MCF2: variants seen among roughly 807,000 people sequenced by gnomAD.
MCF2 encodes proto-oncogene DBL.
MCF2 carries 44 observed loss-of-function variants against 82.5 expected under a neutral mutation model. The observed-to-expected ratio is 0.53, with a 90% confidence interval of 0.42 to 0.69. The LOEUF is 0.69. Ranked by LOEUF, MCF2 falls within the 30% of genes least tolerant of loss-of-function variation. The probability of loss-of-function intolerance (pLI) is 0.00; values close to 1 mark genes in which losing one functional copy is unlikely to be tolerated. For synonymous variants in MCF2, 217 were observed against 224.9 expected, an observed-to-expected ratio of 0.96 and a Z score of 0.32; for missense variants, 623 against 663.1, an observed-to-expected ratio of 0.94 and a Z score of 0.66.
intron 5 of MCF2, 72 bp from the exon 9 acceptor site, chrX:139,626,379 C>G: frequency 1.5e-6 from 1 of 674,468 alleles, no homozygotes; most frequent in Non-Finnish European, 2.3e-6. Flanking sequence ...TAAGTGTGGT[C>G]TGGACATTAA....
rs781347098 is a variant in MCF2, at chrX:139,593,415, G to T, written c.2277+3134C>A. ...ATCAATAGCTTACCAACCAAAAAGA[G>T]CCCAGGACCAGATGGATTCACAGCC... On this transcript the variant is annotated intron_variant, in intron 19 of 24. Transcript: ENST00000370576. Among the ~76,000 whole-genome samples, 7 of 111,046 alleles carry T rather than the reference G, an allele frequency of 6.3e-5. No individual in the cohort carries two copies. In the East Asian group the frequency reaches 1.7e-3, roughly 27 times the overall value.
intron 1 of MCF2, among the ~76,000 whole-genome samples, chrX:139,673,709 G>A (rs1187867694): frequency 3.6e-5 from 4 of 111,681 alleles, no homozygotes; most frequent in Non-Finnish European, 5.6e-5. Context: ...GTTCTTTTAC[G>A]TTTGCTGAGG....
chrX:139,619,678 T>C, exon 7 of MCF2: 2 of 1,184,989 alleles, frequency 1.7e-6, no homozygotes, highest in Non-Finnish European at 1.1e-6. Context: ...TGCTTGTTGG[T>C]TTAATAGAAA....
chrX:139,679,074 C>A (rs1934941338), intron 1 of MCF2, among the ~76,000 whole-genome samples: 1 of 112,357 alleles, frequency 8.9e-6, no homozygotes, highest in African/African-American at 3.2e-5. Context: ...GATGTGGCAA[C>A]AAAGATCAAA....
At chrX:139,596,556 C>T in exon 19 of MCF2, 1 of 1,201,352 alleles carries the variant, frequency 8.3e-7, no homozygotes. Flanking sequence ...TACTTTCCAA[C>T]AGTGTTTAAA....
chrX:139,635,586 G>A (rs1214761481), intron 1 of MCF2, among the ~76,000 whole-genome samples: 1 of 110,868 alleles, frequency 9.0e-6, no homozygotes, highest in Non-Finnish European at 1.9e-5. Flanking sequence ...GAACCCAGGA[G>A]GTGGAGGCTG....
chrX:139,594,075 A>T (rs1376310182), intron 19 of MCF2, among the ~76,000 whole-genome samples: 1 of 111,193 alleles, frequency 9.0e-6, no homozygotes, highest in Admixed American at 9.6e-5. Flanking sequence ...GAAATAAAAG[A>T]GGATATAAAG....
At chrX:139,648,897 C>G (rs749961926) in intron 2 of MCF2, among the ~76,000 whole-genome samples, 77 of 111,813 alleles carry the variant, frequency 6.9e-4, no homozygotes, top group Non-Finnish European at 1.2e-3. Context: ...TCAAAATACA[C>G]AAAGCAAAAA....
At chrX:139,677,730 A>T (rs1391659206) in intron 1 of MCF2, among the ~76,000 whole-genome samples, 2 of 112,119 alleles carry the variant, frequency 1.8e-5, no homozygotes, top group Non-Finnish European at 3.8e-5. Flanking sequence ...CCTACATTAG[A>T]TATCATATTT....
chrX:139,606,997 A>G (rs1234651535), intron 12 of MCF2, among the ~76,000 whole-genome samples: 1 of 111,478 alleles, frequency 9.0e-6, no homozygotes, highest in Non-Finnish European at 1.9e-5. Context: ...TAGAATATTA[A>G]TATACCATTA....
intron 1 of MCF2, among the ~76,000 whole-genome samples, chrX:139,669,363 CA>C (rs1934616337): frequency 8.9e-6 from 1 of 111,755 alleles, no homozygotes; most frequent in Non-Finnish European, 1.9e-5. Flanking sequence ...ATGTCTGTAA[CA>C]AAAAAGATGG....
intron 5 of MCF2, 93 bp from the exon 9 acceptor site, chrX:139,626,400 C>G (rs1182871863): frequency 1.6e-6 from 1 of 606,135 alleles, no homozygotes; most frequent in Non-Finnish European, 2.6e-6. Context: ...GAATTATAGG[C>G]AAAGTCATAG....
intron 24 of MCF2, among the ~76,000 whole-genome samples, chrX:139,584,284 C>T (rs949946265): frequency 9.1e-6 from 1 of 109,837 alleles, no homozygotes; most frequent in Non-Finnish European, 1.9e-5. Flanking sequence ...TACAGGCATG[C>T]GCCACCACAA....
At position 139,690,212 on chromosome X, in the gene MCF2, T is replaced by C. The variant is rs1892589521; in HGVS notation, c.-45+17894A>G. ...GTCAACATGTAGGAGCCTTCAAAAGTGTGAACAGATGACACATCACACAAC... is the reference window on the plus strand; with the variant it reads ...GTCAACATGTAGGAGCCTTCAAAAGCGTGAACAGATGACACATCACACAAC... On this transcript the variant is annotated intron_variant, in intron 1 of 27. Coordinates refer to the MCF2 transcript ENST00000414978. Among the ~76,000 whole-genome samples the C allele has an allele frequency of 3.0e-5, 3 of 99,427 alleles. No homozygotes were observed. In the Admixed American group the frequency reaches 3.4e-4, roughly 11 times the overall value. 86.3% of individuals were successfully genotyped at this position (99,427 alleles called of 115,157 possible).
chrX:139,685,448 C>A (rs1168641426), intron 1 of MCF2, among the ~76,000 whole-genome samples: 1 of 111,277 alleles, frequency 9.0e-6, no homozygotes, highest in East Asian at 2.8e-4. Flanking sequence ...CTGTGAAAAT[C>A]CCTGTCCTAT....
intron 10 of MCF2, among the ~76,000 whole-genome samples, chrX:139,612,398 T>A (rs1192917040): frequency 9.0e-6 from 1 of 111,184 alleles, no homozygotes; most frequent in Non-Finnish European, 1.9e-5. Flanking sequence ...TCAAGTCACA[T>A]TTTACATTTT....
At chrX:139,587,593 T>G (rs1929087694) in intron 22 of MCF2, 123 bp downstream of exon 26, 1 of 483,738 alleles carries the variant, frequency 2.1e-6, no homozygotes, top group African/African-American at 2.4e-5. Flanking sequence ...TTATGGAATT[T>G]GATGAGTTAT....
chrX:139,622,458 T>C (rs952129379), intron 6 of MCF2, among the ~76,000 whole-genome samples: 3 of 111,762 alleles, frequency 2.7e-5, no homozygotes, highest in African/African-American at 6.5e-5. Flanking sequence ...CTATTCACAA[T>C]AGCAAAGACT....
At chrX:139,673,250 T>G (rs1603305507) in intron 1 of MCF2, among the ~76,000 whole-genome samples, 1 of 111,500 alleles carries the variant, frequency 9.0e-6, no homozygotes, top group African/African-American at 3.3e-5. Flanking sequence ...ATTTTGTCAA[T>G]CTTTCAAAAA....
Sources: allele counts gnomAD v4.1 joint callset (sites outside exome capture counted in the v4.1 genomes callset), GRCh38; gene constraint gnomAD v4.1.1; transcripts MANE v1.5; gene names NCBI Gene and HGNC (gene_info 2026-07-23, HGNC 2026-07-21).